CIB1: variants seen among roughly 807,000 people sequenced by gnomAD.
CIB1 encodes calcium and integrin binding 1.
A neutral mutation model predicts 25.0 loss-of-function variants in CIB1; 19 were observed. The observed-to-expected ratio is 0.76, with a 90% confidence interval of 0.53 to 1.12. The LOEUF is 1.12. Ranked by LOEUF, CIB1 falls within the 50% of genes most tolerant of loss-of-function variation. The probability of loss-of-function intolerance (pLI) is 0.00; values close to 1 mark genes in which losing one functional copy is unlikely to be tolerated. For synonymous variants in CIB1, 104 were observed against 98.5 expected (o/e 1.06, Z -0.33); for missense variants, 236 against 242.6 (o/e 0.97, Z 0.18).
At chr15:90,263,211 T>G in the CIB1 span, 1 of 1,402,506 alleles carries the variant, frequency 7.1e-7, no homozygotes, top group South Asian at 1.4e-5. Context: ...GGACATGGTG[T>G]TGGTCTCAAC....
the CIB1 span, chr15:90,256,128 T>G: frequency 6.2e-7 from 1 of 1,613,362 alleles, no homozygotes; most frequent in African/African-American, 1.3e-5. Context: ...GACCAGGCCC[T>G]CTCTGCACAT....
the CIB1 span, chr15:90,258,982 T>A: frequency 9.9e-6 from 16 of 1,612,678 alleles, no homozygotes; most frequent in Non-Finnish European, 1.4e-5. Flanking sequence ...AGAGTAAAAG[T>A]CCTCCTTTAG....
Sources: gnomAD v4.1 joint callset for allele counts on GRCh38, gnomAD v4.1.1 for gene constraint, MANE v1.5 for transcripts, NCBI Gene and HGNC (gene_info 2026-07-23, HGNC 2026-07-21) for gene names.